The following ERICH1 variants were observed in gnomAD, a reference collection of about 807,000 sequenced individuals.
ERICH1 encodes glutamate-rich protein 1.
A neutral mutation model predicts 39.6 loss-of-function variants in ERICH1; 56 were observed. The ratio of observed to expected loss-of-function variants is 1.41; its 90% CI spans 1.14 to 1.77. The LOEUF is 1.77. Among genes scored for constraint, ERICH1 ranks in the 40% most tolerant of loss-of-function variants. The pLI, the probability that ERICH1 is intolerant of heterozygous loss-of-function variation, is 0.00. For synonymous variants in ERICH1, 313 were observed against 223.6 expected, an observed-to-expected ratio of 1.40 and a Z score of -3.57; for missense variants, 826 against 575.4, an observed-to-expected ratio of 1.44 and a Z score of -4.45.
At chr8:682,687 G>A (rs539222109) in intron 3 of ERICH1, among the ~76,000 whole-genome samples, 1 of 152,224 alleles carries the variant, frequency 6.6e-6, no homozygotes, top group Non-Finnish European at 1.5e-5. Flanking sequence ...GAGTCACAAT[G>A]TGTCAAAACT....
Position 722,152 on chromosome 8 carries a change from C to G in ERICH1, c.23-6145G>C, listed in dbSNP as rs1370868407. Among the ~76,000 whole-genome samples the G allele has an allele frequency of 5.3e-5, 8 of 151,972 alleles. No individual in the cohort carries two copies. The South Asian group carries it at 1.7e-3, about 32-fold the overall frequency. On this transcript the variant is annotated intron_variant, in intron 1 of 5. Coordinates refer to ENST00000262109, the MANE Select transcript of ERICH1 (RefSeq NM_207332.3). Reference sequence around the variant, plus strand: ...TTCCAGCAGCAAGAGCAAGTTTTAACTTGAAACTCTAGTGCCCATCAAAAA... The same window carrying G: ...TTCCAGCAGCAAGAGCAAGTTTTAAGTTGAAACTCTAGTGCCCATCAAAAA...
intron 1 of ERICH1, among the ~76,000 whole-genome samples, chr8:724,375 GT>G (rs891786147): frequency 1.3e-5 from 2 of 152,178 alleles, no homozygotes; most frequent in Non-Finnish European, 2.9e-5. Flanking sequence ...TCTCCTTGTA[GT>G]TTTTTAACCA....
intron 3 of ERICH1, among the ~76,000 whole-genome samples, chr8:682,151 T>C (rs1365023244): frequency 2.0e-5 from 3 of 152,044 alleles, no homozygotes; most frequent in African/African-American, 7.2e-5. Flanking sequence ...TAGGGTGATG[T>C]CCTGAATGAA....
At chr8:628,664 C>G (rs972877954) in intron 3 of ERICH1, among the ~76,000 whole-genome samples, 1 of 152,202 alleles carries the variant, frequency 6.6e-6, no homozygotes, top group African/African-American at 2.4e-5. Context: ...GTTCGCAACA[C>G]AAAGCAAAGC....
chr8:715,047 C>A (rs550005862), intron 2 of ERICH1, among the ~76,000 whole-genome samples: 133 of 152,288 alleles, frequency 8.7e-4, no homozygotes, highest in Non-Finnish European at 1.4e-3. Context: ...ATTCCCGTGT[C>A]TCTCGGTGGG....
At chr8:694,957 G>A (rs1318135328) in intron 2 of ERICH1, among the ~76,000 whole-genome samples, 6 of 152,088 alleles carry the variant, frequency 3.9e-5, no homozygotes, top group Non-Finnish European at 8.8e-5. Context: ...TCAGAGAGGG[G>A]CAGTCAGAAA....
intron 3 of ERICH1, among the ~76,000 whole-genome samples, chr8:658,618 A>G (rs1800976337): frequency 6.6e-6 from 1 of 152,164 alleles, no homozygotes; most frequent in Non-Finnish European, 1.5e-5. Context: ...ATTTGGAGAC[A>G]AGACCTTAGG....
rs752083676 is a variant in ERICH1, at chr8:668,744, T to A, written c.1112A>T (p.Glu371Val). Residue 371 changes from glutamate (E) to valine (V), a missense_variant, in exon 5 of 6, where the codon GAG becomes GTG. Glu to Val is a moderately radical substitution (Grantham distance 121). Transcript: ENST00000262109. ...GTGTGACGCAAGGCGGTCCAGCAGC[T>A]CCTCAGCGGCATCTGCGAGGGCAGC... is the stretch of plus-strand genomic sequence containing the variant. ...ASAALADAAE[E>V]LLDRLASHSM... 1.9e-5 allele frequency: 31 copies of A among 1,613,136 alleles called. No homozygotes were observed. The highest frequency in any genetic ancestry group is 2.5e-5 in the Non-Finnish European group (29 of 1,179,484).
intron 1 of ERICH1, among the ~76,000 whole-genome samples, chr8:720,149 A>T (rs1816957269): frequency 6.6e-6 from 1 of 152,190 alleles, no homozygotes; most frequent in Non-Finnish European, 1.5e-5. Flanking sequence ...ACAAAAGAGG[A>T]CTTGGAGGAA....
intron 4 of ERICH1, among the ~76,000 whole-genome samples, chr8:671,527 C>A (rs538349466): frequency 3.8e-5 from 5 of 131,790 alleles, no homozygotes; most frequent in South Asian, 2.6e-4. Context: ...CTCCAGGCTC[C>A]GACCTCTGAA....
chr8:651,694 G>A (rs768757459), intron 3 of ERICH1, among the ~76,000 whole-genome samples: 6 of 141,502 alleles, frequency 4.2e-5, no homozygotes, highest in African/African-American at 8.0e-5. Flanking sequence ...GAAGACTGAG[G>A]GGAGAGAGAG....
At chr8:716,941 G>A (rs1368489533) in intron 1 of ERICH1, among the ~76,000 whole-genome samples, 14 of 152,184 alleles carry the variant, frequency 9.2e-5, no homozygotes, top group Non-Finnish European at 2.9e-5. Context: ...GGACAAACAC[G>A]TGATAGAAAT....
chr8:684,962 A>C (rs1209064361), intron 3 of ERICH1, among the ~76,000 whole-genome samples: 1 of 152,228 alleles, frequency 6.6e-6, no homozygotes, highest in Non-Finnish European at 1.5e-5. Context: ...TTGCTGATGA[A>C]GTTTCATGTT....
chr8:637,428 T>G (rs1341017336), intron 3 of ERICH1: 1 of 152,236 alleles, frequency 6.6e-6, no homozygotes, highest in African/African-American at 2.4e-5. Flanking sequence ...ACCACGTGCT[T>G]GGGGTTTTGC....
At chr8:634,335 CG>C (rs1210730313) in intron 3 of ERICH1, among the ~76,000 whole-genome samples, 1 of 152,152 alleles carries the variant, frequency 6.6e-6, no homozygotes, top group African/African-American at 2.4e-5. Context: ...ACAAAGGCAA[CG>C]AGCGAGCGTC....
intron 4 of ERICH1, among the ~76,000 whole-genome samples, chr8:669,705 T>C (rs905347565): frequency 2.0e-5 from 3 of 152,274 alleles, no homozygotes; most frequent in South Asian, 4.1e-4. Flanking sequence ...GCAAGCTCTC[T>C]ATGTCCACAT....
intron 3 of ERICH1, among the ~76,000 whole-genome samples, chr8:686,950 G>GA (rs397788515): frequency 2.6e-5 from 4 of 151,938 alleles, no homozygotes; most frequent in African/African-American, 9.7e-5. Context: ...CGGAGCGGGG[G>GA]GCAGCCCCAT....
chr8:731,202 C>A lies in ERICH1; in HGVS notation c.-41G>T, dbSNP rs772008227. On this transcript the variant is annotated 5_prime_UTR_variant, in exon 1 of 6. In the 5' UTR this introduces an upstream ATG that the reference lacks. Transcript: ENST00000262109. The stretch of plus-strand genomic sequence containing the variant: ...GGACCTCAGACCACGGCGCGCGGTC[C>A]TGAGCTGAGCGCCGTGCCTTCCGGG... The A allele has an allele frequency of 1.4e-6, 2 of 1,459,908 alleles. No homozygotes were observed. Among genetic ancestry groups the A allele is most frequent in the East Asian group, 2.8e-5 (1 of 35,630 alleles). The allele number at this position is 1,459,908 out of a possible 1,614,324, so 90.4% of individuals were successfully genotyped here. A position where few individuals can be genotyped will look rare whatever the true frequency, so the allele number is the denominator to read the frequency against.
At chr8:690,587 G>A (rs1808680711) in intron 3 of ERICH1, among the ~76,000 whole-genome samples, 1 of 152,238 alleles carries the variant, frequency 6.6e-6, no homozygotes, top group African/African-American at 2.4e-5. Flanking sequence ...GCAGCCAGGA[G>A]GGGCCAGACT....
Sources: allele counts gnomAD v4.1 joint callset (sites outside exome capture counted in the v4.1 genomes callset), GRCh38; gene constraint gnomAD v4.1.1; transcripts MANE v1.5; gene names NCBI Gene and HGNC (gene_info 2026-07-23, HGNC 2026-07-21).